Variants in GALNT7 observed in about 807,000 individuals in gnomAD.
The protein encoded by GALNT7 is N-acetylgalactosaminyltransferase 7.
Under a neutral mutation model 82.1 loss-of-function variants are expected in GALNT7, and 60 were observed. The observed-to-expected ratio is 0.73, with a 90% CI of 0.59 to 0.91. The LOEUF (loss-of-function observed/expected upper bound fraction) is 0.91, where lower values mean the gene tolerates loss of function less well. Ranked by LOEUF, GALNT7 falls within the 40% of genes least tolerant of loss-of-function variation. The probability of loss-of-function intolerance (pLI) is 0.00; values close to 1 mark genes in which losing one functional copy is unlikely to be tolerated. For synonymous variants in GALNT7, 243 were observed against 275.1 expected (o/e 0.88, Z 1.15); for missense variants, 660 against 804.2 (o/e 0.82, Z 2.17).
chr4:173,273,926 A>ATGCATGG (rs761793075), intron 2 of GALNT7, among the ~76,000 whole-genome samples: 2 of 152,214 alleles, frequency 1.3e-5, no homozygotes, highest in Non-Finnish European at 2.9e-5. Flanking sequence ...CTATACATCC[A>ATGCATGG]TGCATGGTGC....
chr4:173,183,296 T>TA (rs1561144381), intron 1 of GALNT7, among the ~76,000 whole-genome samples: 2 of 151,564 alleles, frequency 1.3e-5, no homozygotes. Flanking sequence ...TTTTTTTTTT[T>TA]AAAGCTGCAT....
chr4:173,183,342 C>T (rs1732331579), intron 1 of GALNT7, among the ~76,000 whole-genome samples: 1 of 149,854 alleles, frequency 6.7e-6, no homozygotes, highest in South Asian at 2.1e-4. Flanking sequence ...TACCACAGGT[C>T]TTGAGAGGGA....
chr4:173,289,601 C>T (rs951272578), intron 2 of GALNT7, among the ~76,000 whole-genome samples: 5 of 152,210 alleles, frequency 3.3e-5, no homozygotes, highest in African/African-American at 1.2e-4. Context: ...CCTCTAGGCA[C>T]GCACAAAGTG....
chr4:173,203,409 C>A (rs1733001851), intron 1 of GALNT7, among the ~76,000 whole-genome samples: 1 of 152,186 alleles, frequency 6.6e-6, no homozygotes, highest in South Asian at 2.1e-4. Context: ...TTTTTTTATC[C>A]ATTCAACCAC....
At chr4:173,182,933 C>A (rs965320246) in intron 1 of GALNT7, among the ~76,000 whole-genome samples, 1 of 150,282 alleles carries the variant, frequency 6.7e-6, no homozygotes, top group Non-Finnish European at 1.5e-5. Flanking sequence ...AATACACACA[C>A]ACACACACAC....
At chr4:173,208,510 G>A (rs1378388762) in intron 1 of GALNT7, among the ~76,000 whole-genome samples, 1 of 152,098 alleles carries the variant, frequency 6.6e-6, no homozygotes, top group African/African-American at 2.4e-5. Context: ...GAGAATATTA[G>A]CACCTTTATC....
chr4:173,180,920 T>C (rs986045359), intron 1 of GALNT7, among the ~76,000 whole-genome samples: 1 of 152,236 alleles, frequency 6.6e-6, no homozygotes, highest in Non-Finnish European at 1.5e-5. Flanking sequence ...GCTGTGCCTT[T>C]ACAGTCTGTT....
intron 1 of GALNT7, among the ~76,000 whole-genome samples, chr4:173,231,873 A>G (rs1340269178): frequency 6.6e-6 from 1 of 152,242 alleles, no homozygotes; most frequent in East Asian, 1.9e-4. Context: ...GTGCAAAAGG[A>G]GCAAAATACT....
chr4:173,186,668 G>A (rs1346086637), intron 1 of GALNT7, among the ~76,000 whole-genome samples: 1 of 152,162 alleles, frequency 6.6e-6, no homozygotes, highest in Non-Finnish European at 1.5e-5. Flanking sequence ...AAGTGAAGGA[G>A]GGCTGAATAT....
chr4:173,243,826 ACGGGTCTAT>A (rs1221522078), intron 1 of GALNT7, among the ~76,000 whole-genome samples: 1 of 151,976 alleles, frequency 6.6e-6, no homozygotes, highest in East Asian at 1.9e-4. Context: ...TATTGCCAGT[ACGGGTCTAT>A]CTGATTTAAG....
At chr4:173,179,448 AT>A (rs1732177371) in intron 1 of GALNT7, among the ~76,000 whole-genome samples, 1 of 152,216 alleles carries the variant, frequency 6.6e-6, no homozygotes, top group South Asian at 2.1e-4. Context: ...CCTGGGCAAT[AT>A]AGCAAGACCT....
At chr4:173,188,030 T>C (rs1561146627) in intron 1 of GALNT7, among the ~76,000 whole-genome samples, 1 of 152,246 alleles carries the variant, frequency 6.6e-6, no homozygotes. Flanking sequence ...ACAGACATTA[T>C]GCATTTATTT....
Position 173,299,707 on chromosome 4 carries a change from G to A in GALNT7, c.1148+1410G>A, listed in dbSNP as rs181789533. Among the ~76,000 whole-genome samples, 7 of 152,192 alleles carry A rather than the reference G, an allele frequency of 4.6e-5. No individual in the cohort carries two copies. The East Asian group carries it at 1.2e-3, about 25-fold the overall frequency. On this transcript the variant is annotated intron_variant, in intron 6 of 11. Transcript: ENST00000265000. ...ACTAAATATACAAAATTAGCTGGGCGTGGTGGTGTGTGCCTGTAATCCCAG... is the reference window on the plus strand; with the variant it reads ...ACTAAATATACAAAATTAGCTGGGCATGGTGGTGTGTGCCTGTAATCCCAG...
chr4:173,293,484 G>A (rs1736611409), intron 3 of GALNT7, among the ~76,000 whole-genome samples: 1 of 152,138 alleles, frequency 6.6e-6, no homozygotes, highest in Admixed American at 6.5e-5. Context: ...TCAGACTTGA[G>A]TGATAATTTG....
intron 1 of GALNT7, among the ~76,000 whole-genome samples, chr4:173,220,185 T>A (rs779096485): frequency 6.6e-6 from 1 of 152,198 alleles, no homozygotes; most frequent in Non-Finnish European, 1.5e-5. Context: ...AGGTGAGAGA[T>A]GAGGAACCAG....
intron 1 of GALNT7, among the ~76,000 whole-genome samples, chr4:173,246,035 A>G (rs962494422): frequency 3.9e-5 from 6 of 152,150 alleles, no homozygotes; most frequent in Non-Finnish European, 5.9e-5. Context: ...TGCCTTTTCT[A>G]TTTAGGGGGG....
intron 1 of GALNT7, among the ~76,000 whole-genome samples, chr4:173,205,464 C>T (rs1158308871): frequency 6.6e-6 from 1 of 152,086 alleles, no homozygotes; most frequent in Non-Finnish European, 1.5e-5. Flanking sequence ...CATGGGGCTG[C>T]AGGGACTTTA....
chr4:173,229,826 T>C (rs1019574372), intron 1 of GALNT7, among the ~76,000 whole-genome samples: 2 of 152,206 alleles, frequency 1.3e-5, no homozygotes, highest in Admixed American at 1.3e-4. Flanking sequence ...TGAAATACTT[T>C]CTCTGATAAA....
At chr4:173,284,619 G>A (rs1307170159) in intron 2 of GALNT7, among the ~76,000 whole-genome samples, 1 of 151,788 alleles carries the variant, frequency 6.6e-6, no homozygotes, top group East Asian at 1.9e-4. Context: ...GTTTAATTTT[G>A]GGAAGCCTGT....
Sources: allele counts gnomAD v4.1 joint callset (sites outside exome capture counted in the v4.1 genomes callset), GRCh38; gene constraint gnomAD v4.1.1; transcripts MANE v1.5; gene names NCBI Gene and HGNC (gene_info 2026-07-23, HGNC 2026-07-21).